The following SYNE2 variants were observed in gnomAD, a reference collection of about 807,000 sequenced individuals.
SYNE2 encodes the protein nesprin-2.
A neutral mutation model predicts 856.3 loss-of-function variants in SYNE2; 431 were observed. The observed-to-expected ratio is 0.50, with a 90% CI of 0.47 to 0.55. The LOEUF (loss-of-function observed/expected upper bound fraction) is 0.55, where lower values mean the gene tolerates loss of function less well. SYNE2 is among the 20% of genes least tolerant of loss of function. The pLI is 0.00. For synonymous variants in SYNE2, 2,923 were observed against 2,872.3 expected, an observed-to-expected ratio of 1.02 and a Z score of -0.56; for missense variants, 8,129 against 8,023.2, an observed-to-expected ratio of 1.01 and a Z score of -0.50.
At chr14:64,188,296 T>C (rs1180440882) in intron 97 of SYNE2, among the ~76,000 whole-genome samples, 3 of 152,186 alleles carry the variant, frequency 2.0e-5, no homozygotes, top group Non-Finnish European at 2.9e-5. Context: ...CACACGAGTA[T>C]TGGATAAAAA....
At chr14:63,933,591 A>AC (rs1242426522) in intron 2 of SYNE2, among the ~76,000 whole-genome samples, 1 of 152,166 alleles carries the variant, frequency 6.6e-6, no homozygotes, top group Non-Finnish European at 1.5e-5. Flanking sequence ...AATTAAGGAT[A>AC]CTCATATGGG....
At chr14:64,026,380 C>T (rs1264638118) in intron 41 of SYNE2, among the ~76,000 whole-genome samples, 199 bp from the exon 42 acceptor site, 5 of 152,082 alleles carry the variant, frequency 3.3e-5, no homozygotes, top group Non-Finnish European at 1.5e-5. Flanking sequence ...TCAGCTCAAA[C>T]TGACAAATAT....
chr14:64,013,918 G>A (rs1349434316), intron 32 of SYNE2, among the ~76,000 whole-genome samples: 1 of 152,126 alleles, frequency 6.6e-6, no homozygotes, highest in African/African-American at 2.4e-5. Flanking sequence ...CAATCAGGAT[G>A]TTGACATCAA....
At chr14:64,038,105 G>A (rs2097112429) in intron 45 of SYNE2, among the ~76,000 whole-genome samples, 1 of 151,964 alleles carries the variant, frequency 6.6e-6, no homozygotes. Context: ...GGGCAGAGAT[G>A]CTCCTCATCT....
At chr14:63,888,566 A>G (rs938607111) in intron 1 of SYNE2, among the ~76,000 whole-genome samples, 2 of 152,186 alleles carry the variant, frequency 1.3e-5, no homozygotes, top group Non-Finnish European at 2.9e-5. Context: ...AGTGGTGACA[A>G]TGGCCGGGAA....
chr14:64,031,365 C>A lies in SYNE2; in HGVS notation c.7221+8C>A. The A allele has an allele frequency of 6.2e-7, 1 of 1,611,086 alleles. No individual in the cohort carries two copies. The highest frequency in any genetic ancestry group is 8.5e-7 in the Non-Finnish European group (1 of 1,177,510). ...GACTGGGAAATAAACAAGGTAAGTG[C>A]TTGTGATTGCACTTTCAAGACAGTG... On this transcript the variant is annotated splice_region_variant and intron_variant, in intron 45 of 115. Transcript: ENST00000555002.
chr14:63,925,741 C>A (rs1419651812), intron 2 of SYNE2, among the ~76,000 whole-genome samples: 1 of 152,198 alleles, frequency 6.6e-6, no homozygotes. Context: ...TTTTTAGCTT[C>A]CACAGATAAG....
At chr14:64,183,012 G>A (rs563393429) in intron 96 of SYNE2, among the ~76,000 whole-genome samples, 12 of 101,310 alleles carry the variant, frequency 1.2e-4, no homozygotes, top group South Asian at 2.9e-4. Flanking sequence ...CTGGCCAGGC[G>A]GGGGCTGCCC....
chr14:64,225,353 C>A lies in SYNE2; in HGVS notation c.20551C>A (p.Leu6851Ile). Residue 6851 changes from leucine to isoleucine, a missense_variant, in exon 116 of 116, where the codon CTC (leucine) becomes ATC (isoleucine). Coordinates refer to ENST00000555002, the MANE Select transcript of SYNE2 (RefSeq NM_182914.3). ...CAGCACACGGCCACAGCGCTCCTTC[C>A]TCTCAAGGGTGGTCCGGGCAGCCCT... ...PGSTRPQRSF[L>I]SRVVRAALPL... 2 of 1,614,182 alleles carry A rather than the reference C, an allele frequency of 1.2e-6. No individual in the cohort carries two copies. Among genetic ancestry groups the A allele is most frequent in the South Asian group, 2.2e-5 (2 of 91,082 alleles).
chr14:63,788,828 C>T (rs1390828672), intron 1 of SYNE2, among the ~76,000 whole-genome samples: 1 of 152,178 alleles, frequency 6.6e-6, no homozygotes, highest in African/African-American at 2.4e-5. Flanking sequence ...AAAAATAGAA[C>T]TAGCATATGA....
chr14:64,168,434 C>T (rs2153724036), intron 92 of SYNE2, among the ~76,000 whole-genome samples: 1 of 152,316 alleles, frequency 6.6e-6, no homozygotes, highest in East Asian at 1.9e-4. Context: ...TTTAATGTAA[C>T]TGATTGAAGT....
Position 64,052,913 on chromosome 14 carries a change from A to C in SYNE2, c.9000A>C (p.Lys3000Asn). The change falls in exon 48 of 116, where the codon AAA becomes AAC. Residue 3000 changes from lysine (K) to asparagine (N), a missense_variant. Physicochemically the swap from Lys to Asn is moderately conservative, Grantham distance 94 (BLOSUM62 0). Transcript: ENST00000555002. ...AIKCCILQVL[K>N]LKKVFDYIGL... is the part of the protein sequence containing the mutation. Reference sequence around the variant, plus strand: ...AGTGTTGCATCTTACAGGTATTGAAACTTAAAAAAGTGTTTGACTATATTG... The same window carrying C: ...AGTGTTGCATCTTACAGGTATTGAACCTTAAAAAAGTGTTTGACTATATTG... 4.3e-6 allele frequency: 7 copies of C among 1,613,182 alleles called. No homozygotes were observed. The highest frequency in any genetic ancestry group is 5.9e-6 in the Non-Finnish European group (7 of 1,179,792).
intron 96 of SYNE2, among the ~76,000 whole-genome samples, chr14:64,183,478 G>A (rs2098471811): frequency 6.6e-6 from 1 of 152,160 alleles, no homozygotes; most frequent in Admixed American, 6.5e-5. Context: ...ACGATGGGCG[G>A]CCAGGCAGAG....
chr14:63,967,813 G>T lies in SYNE2; in HGVS notation c.1095G>T (p.Gln365His). The T allele has an allele frequency of 6.2e-7, 1 of 1,614,130 alleles. No homozygotes were observed. The highest frequency in any genetic ancestry group is 8.5e-7 in the Non-Finnish European group (1 of 1,179,978). The stretch of plus-strand genomic sequence containing the variant: ...ATGAGCTGGACAAGGATCATTTACA[G>T]TTGAGAGAAGCCTGGGATGGCCTCG... ...DLDELDKDHLQLREAWDGLDH... is the reference protein window; with the variant it reads ...DLDELDKDHLHLREAWDGLDH... Residue 365 changes from glutamine to histidine, a missense_variant, in exon 11 of 116, where the codon CAG becomes CAT. Transcript: ENST00000555002.
chr14:63,977,811 T>C (rs1364215679), intron 12 of SYNE2, 94 bp from the exon 13 acceptor site: 3 of 889,014 alleles, frequency 3.4e-6, no homozygotes, highest in Non-Finnish European at 3.7e-6. Context: ...TGATTTTTTT[T>C]TGAAAAAAGA....
rs2096579089 is a variant in SYNE2, at chr14:63,980,694, C to G, written c.1610C>G (p.Thr537Ser). Reference protein sequence around the residue: ...EEKEFLARLDTSFQKCGEIYK... With the variant: ...EEKEFLARLDSSFQKCGEIYK... ...AAAGAATTCCTAGCTCGACTTGATA[C>G]TTCTTTTCAAAAATGTGGAGAAATT... The change falls in exon 15 of 116, where the codon ACT becomes AGT. Residue 537 changes from threonine (T) to serine (S), a missense_variant. By Grantham distance (58) the Thr-to-Ser change is moderately conservative. Around this residue, in one of 3 missense-constraint regions of SYNE2, gnomAD observed 2,422 missense variants for 2,357.4 expected, o/e 1.03. Transcript: ENST00000555002. 2 of 1,607,158 alleles carry G rather than the reference C, an allele frequency of 1.2e-6. No homozygotes were observed. Among genetic ancestry groups the G allele is most frequent in the East Asian group, 4.5e-5 (2 of 44,678 alleles).
rs2095442078 is a variant in SYNE2, at chr14:63,909,111, C to A, written c.-38C>A. The A allele has an allele frequency of 1.4e-6, 2 of 1,404,096 alleles. No individual in the cohort carries two copies. The highest frequency in any genetic ancestry group is 2.0e-6 in the Non-Finnish European group (2 of 988,676). The allele number at this position is 1,404,096 out of a possible 1,614,324, so 87.0% of individuals were successfully genotyped here. On this transcript the variant is annotated 5_prime_UTR_variant, in exon 2 of 116. It adds an upstream start codon to the 5' untranslated region. Transcript: ENST00000555002. ...TTTCACTTTCAGTTCACTTCTTCAACTGAGATGGACATGATATAATCTCCA... is the reference window on the plus strand; with the variant it reads ...TTTCACTTTCAGTTCACTTCTTCAAATGAGATGGACATGATATAATCTCCA...
rs534028580 is a variant in SYNE2, at chr14:63,846,898, A to T, written c.-304-5603A>T. On this transcript the variant is annotated intron_variant, in intron 1 of 23. Transcript: ENST00000674003. ...AGGTGTGAACCATGTACCTGGCCTA[A>T]TAGGGCACTTTAAAATTTCCAGGTG... Among the ~76,000 whole-genome samples, 6 of 152,082 alleles carry T rather than the reference A, an allele frequency of 3.9e-5. No individual in the cohort carries two copies. The East Asian group carries it at 1.2e-3, about 30-fold the overall frequency.
At chr14:63,773,655 C>T (rs1478660680) in intron 1 of SYNE2, among the ~76,000 whole-genome samples, 3 of 152,118 alleles carry the variant, frequency 2.0e-5, no homozygotes, top group Non-Finnish European at 4.4e-5. Context: ...TGAAACTCCT[C>T]GGTTCAAACA....
Sources: allele counts gnomAD v4.1 joint callset (sites outside exome capture counted in the v4.1 genomes callset), GRCh38; gene constraint gnomAD v4.1.1; regional missense constraint gnomAD v4.1.1; transcripts MANE v1.5; gene names NCBI Gene and HGNC (gene_info 2026-07-23, HGNC 2026-07-21).